Variants in PRKN observed in about 807,000 individuals in gnomAD.
The protein encoded by PRKN is E3 ubiquitin-protein ligase parkin.
A neutral mutation model predicts 59.5 loss-of-function variants in PRKN; 56 were observed. The ratio of observed to expected loss-of-function variants is 0.94; its 90% CI spans 0.76 to 1.18. PRKN has a LOEUF of 1.18. Ranked by LOEUF, PRKN falls within the 50% of genes most tolerant of loss-of-function variation. The pLI is 0.00. For synonymous variants in PRKN, 250 were observed against 222.1 expected (o/e 1.13, Z -1.12); for missense variants, 657 against 596.4 (o/e 1.10, Z -1.06).
intron 10 of PRKN, among the ~76,000 whole-genome samples, chr6:161,366,982 CTTTTTTTT>C (rs57164972): frequency 9.8e-5 from 9 of 91,946 alleles, no homozygotes; most frequent in Middle Eastern, 6.3e-3. Context: ...TTTTTGTTTC[CTTTTTTTT>C]TTTTTTTTTT....
rs1260660597 is a variant in PRKN at position 161,360,744 on chromosome 6, G to A, written c.1168-539C>T. ...TCCAAATGTTGTCACAGAAGGGACAGGAGCAAGAACAGGAAATGAAGTCGA... is the reference window on the plus strand; with the variant it reads ...TCCAAATGTTGTCACAGAAGGGACAAGAGCAAGAACAGGAAATGAAGTCGA... On this transcript the variant is annotated intron_variant, in intron 10 of 11. Transcript: ENST00000366898. The surrounding 1 kb of genome is among the most constrained non-coding windows in gnomAD (Gnocchi z 5.1). Among the ~76,000 whole-genome samples the A allele has an allele frequency of 7.2e-5, 11 of 152,202 alleles. No individual in the cohort carries two copies. The highest frequency in any genetic ancestry group is 5.2e-4 in the Admixed American group (8 of 15,284).
intron 4 of PRKN, among the ~76,000 whole-genome samples, chr6:162,130,439 C>G (rs1476187988): frequency 6.6e-6 from 1 of 152,078 alleles, no homozygotes; most frequent in Non-Finnish European, 1.5e-5. Flanking sequence ...TCAAGGTTTA[C>G]AGAGCAGGTC....
chr6:162,727,378 A>C, intron 1 of PRKN: 2 of 474,156 alleles, frequency 4.2e-6, no homozygotes, highest in East Asian at 3.8e-5. Flanking sequence ...ACCGCGAACG[A>C]GGAGCGGGGG....
chr6:162,415,904 T>C (rs1338894384), intron 2 of PRKN, among the ~76,000 whole-genome samples: 1 of 152,194 alleles, frequency 6.6e-6, no homozygotes, highest in African/African-American at 2.4e-5. Context: ...GAGATCTTCA[T>C]AGGTAATACT....
chr6:162,028,394 G>A (rs539617672), intron 5 of PRKN, among the ~76,000 whole-genome samples: 1 of 152,286 alleles, frequency 6.6e-6, no homozygotes, highest in African/African-American at 2.4e-5. Context: ...GCTCTGAAAC[G>A]GAGAGGTTTG....
chr6:162,648,843 T>G (rs969885049), intron 1 of PRKN, among the ~76,000 whole-genome samples: 1 of 152,210 alleles, frequency 6.6e-6, no homozygotes, highest in Non-Finnish European at 1.5e-5. Flanking sequence ...CACCTAGATA[T>G]GGCTGTGGAG....
intron 1 of PRKN, among the ~76,000 whole-genome samples, chr6:162,563,973 T>A (rs1779955395): frequency 8.0e-6 from 1 of 125,374 alleles, no homozygotes; most frequent in Non-Finnish European, 1.8e-5. Flanking sequence ...AAATACAGAG[T>A]CTGAGGAGAC....
chr6:162,163,808 T>G (rs548550105), intron 4 of PRKN, among the ~76,000 whole-genome samples: 3 of 118,176 alleles, frequency 2.5e-5, no homozygotes, highest in African/African-American at 1.1e-4. Context: ...TCCCCACATC[T>G]CTCATGGTGC....
At chr6:162,077,382 C>G (rs996358461) in intron 4 of PRKN, among the ~76,000 whole-genome samples, 1 of 152,120 alleles carries the variant, frequency 6.6e-6, no homozygotes, top group Non-Finnish European at 1.5e-5. Flanking sequence ...ATGACAAAAT[C>G]ACCTAACAAC....
At chr6:161,940,413 A>G (rs1163281422) in intron 6 of PRKN, among the ~76,000 whole-genome samples, 1 of 152,236 alleles carries the variant, frequency 6.6e-6, no homozygotes, top group East Asian at 1.9e-4. Flanking sequence ...TGGTGCCTCC[A>G]TGGCTGCTCA....
chr6:162,716,064 C>A (rs565116055), intron 1 of PRKN, among the ~76,000 whole-genome samples: 6 of 152,178 alleles, frequency 3.9e-5, no homozygotes, highest in African/African-American at 1.4e-4. Flanking sequence ...CATTTAGATA[C>A]GCACGCCTAG....
intron 7 of PRKN, among the ~76,000 whole-genome samples, chr6:161,750,916 C>G (rs1583103155): frequency 1.3e-5 from 2 of 152,006 alleles, no homozygotes; most frequent in East Asian, 3.9e-4. Context: ...AAAAGGAATG[C>G]AATATATTTC....
At chr6:161,942,539 A>G (rs889386564) in intron 6 of PRKN, among the ~76,000 whole-genome samples, 16 of 152,314 alleles carry the variant, frequency 1.1e-4, no homozygotes, top group Non-Finnish European at 1.9e-4. Context: ...TCAAAAAAAT[A>G]AATAAATAAA....
chr6:161,875,106 A>G (rs1250075808), intron 6 of PRKN, among the ~76,000 whole-genome samples: 2 of 130,276 alleles, frequency 1.5e-5, no homozygotes, highest in African/African-American at 6.1e-5. Context: ...TATAAAGTAT[A>G]TATATTATAT....
At chr6:162,287,490 T>C (rs544361319) in intron 2 of PRKN, among the ~76,000 whole-genome samples, 11 of 151,986 alleles carry the variant, frequency 7.2e-5, no homozygotes, top group African/African-American at 2.7e-4. Context: ...ATCGCTTGAG[T>C]CTGGGAGGTC....
intron 4 of PRKN, among the ~76,000 whole-genome samples, chr6:162,162,939 C>A (rs937055995): frequency 6.7e-6 from 1 of 148,686 alleles, no homozygotes; most frequent in Non-Finnish European, 1.5e-5. Flanking sequence ...ACCCGGGAGG[C>A]AGAGGTTGCA....
At chr6:161,690,958 A>AATCCATCCATCCATCCATCCATCC (rs35211075) in intron 7 of PRKN, among the ~76,000 whole-genome samples, 2 of 145,724 alleles carry the variant, frequency 1.4e-5, no homozygotes, top group Admixed American at 1.4e-4. Context: ...TCGATTGAAC[A>AATCCATCCATCCATCCATCCATCC]ATCCATCCAT....
At chr6:161,501,016 C>G (rs1741289060) in intron 9 of PRKN, among the ~76,000 whole-genome samples, 1 of 151,926 alleles carries the variant, frequency 6.6e-6, no homozygotes, top group African/African-American at 2.4e-5. Context: ...GCTGGGACTA[C>G]TGGTACTCGC....
intron 4 of PRKN, among the ~76,000 whole-genome samples, chr6:162,144,351 T>C (rs1297256652): frequency 6.6e-6 from 1 of 152,184 alleles, no homozygotes; most frequent in African/African-American, 2.4e-5. Context: ...TCAAATGTGA[T>C]ACGATAACAA....
Sources: gnomAD v4.1 joint callset for allele counts (sites outside exome capture counted in the v4.1 genomes callset) on GRCh38, gnomAD v4.1.1 for gene constraint, Gnocchi (gnomAD v3.1) non-coding constraint, MANE v1.5 for transcripts, NCBI Gene and HGNC (gene_info 2026-07-23, HGNC 2026-07-21) for gene names.